Variants in CCDC158 observed in about 807,000 individuals in gnomAD.
The protein encoded by CCDC158 is coiled-coil domain containing 158, also known as coiled-coil domain-containing protein 158.
A neutral mutation model predicts 138.6 loss-of-function variants in CCDC158; 116 were observed. The ratio of observed to expected loss-of-function variants is 0.84; its 90% CI spans 0.72 to 0.98. The LOEUF (loss-of-function observed/expected upper bound fraction) is 0.98. Among genes scored for constraint, CCDC158 ranks in the 50% least tolerant of loss-of-function variants. The pLI is 0.00. For missense variants in CCDC158, 1,265 were observed against 1,306.1 expected (o/e 0.97, Z 0.48); for synonymous variants, 436 against 442.4 (o/e 0.99, Z 0.18).
intron 12 of CCDC158, 52 bp downstream of exon 12, chr4:76,367,242 C>T (rs1364860589): frequency 6.4e-7 from 1 of 1,566,654 alleles, no homozygotes; most frequent in Non-Finnish European, 8.6e-7. Flanking sequence ...ACAGGTCATA[C>T]CTGCTAATAA....
chr4:76,371,939 C>CA (rs539607968), intron 9 of CCDC158, among the ~76,000 whole-genome samples: 1,750 of 65,214 alleles, frequency 0.027, 37 homozygotes, highest in African/African-American at 0.068. Context: ...ACTACATCTC[C>CA]AAAAAAAAAA....
intron 17 of CCDC158, 28 bp downstream of exon 17, chr4:76,351,692 C>T: frequency 7.8e-6 from 11 of 1,417,746 alleles, no homozygotes; most frequent in Non-Finnish European, 1.1e-5. Flanking sequence ...ATTATTTTCG[C>T]TTAAACTAAT....
At chr4:76,385,942 G>C (rs1726744374) in intron 4 of CCDC158, among the ~76,000 whole-genome samples, 1 of 152,208 alleles carries the variant, frequency 6.6e-6, no homozygotes, top group Non-Finnish European at 1.5e-5. Context: ...TAGCGATACT[G>C]AATGCAAAAG....
rs148254018 is a variant in CCDC158, at chr4:76,352,170, C to T, written c.2446-358G>A. On this transcript the variant is annotated intron_variant, in intron 16 of 24. Coordinates refer to ENST00000682701, the MANE Select transcript of CCDC158 (RefSeq NM_001394954.1). ...CTGTAATCCCAGCACTTTGGGAGGC[C>T]GAGGCAGGCAGATCACGAGGTCAAG... 558 of 160,684 alleles carry T rather than the reference C, an allele frequency of 3.5e-3. 4 individuals are homozygous for T. Among genetic ancestry groups the T allele is most frequent in the African/African-American group, 0.013 (535 of 41,634 alleles). 10.0% of individuals were successfully genotyped at this position (160,684 alleles called of 1,614,324 possible).
intron 18 of CCDC158, 23 bp from the exon 19 acceptor site, chr4:76,334,190 G>A (rs1721260722): frequency 6.6e-7 from 1 of 1,507,926 alleles, no homozygotes; most frequent in Non-Finnish European, 8.9e-7. Context: ...AATTTACAAA[G>A]ACACTTATTT....
intron 4 of CCDC158, among the ~76,000 whole-genome samples, chr4:76,389,795 A>G (rs1727147725): frequency 6.6e-6 from 1 of 152,200 alleles, no homozygotes; most frequent in Admixed American, 6.5e-5. Context: ...AGGCCAGGAG[A>G]GAGTGGCATG....
chr4:76,369,620 C>T lies in CCDC158; in HGVS notation c.1153G>A (p.Asp385Asn), dbSNP rs756832298. ...LDDQLQKLLA[D>N]LHKREKELSL... Reference sequence around the variant, plus strand: ...AGCTCCTTCTCCCTTTTGTGTAGATCAGCCTAAAAAAAGAGAGGAATGCTT... The same window carrying T: ...AGCTCCTTCTCCCTTTTGTGTAGATTAGCCTAAAAAAAGAGAGGAATGCTT... Residue 385 changes from aspartate (D) to asparagine (N), a missense_variant, in exon 11 of 25, where the codon GAT becomes AAT. Physicochemically the swap from Asp to Asn is conservative, Grantham distance 23. Transcript: ENST00000682701. The T allele has an allele frequency of 5.0e-6, 8 of 1,612,218 alleles. No individual in the cohort carries two copies. The highest frequency in any genetic ancestry group is 5.9e-6 in the Non-Finnish European group (7 of 1,179,410).
chr4:76,362,897 GC>G (rs1416679613), intron 12 of CCDC158, among the ~76,000 whole-genome samples: 3 of 152,318 alleles, frequency 2.0e-5, no homozygotes, highest in African/African-American at 7.2e-5. Context: ...AATAATAAAA[GC>G]AGGTGAGGGG....
intron 24 of CCDC158, 109 bp from the exon 25 acceptor site, chr4:76,313,355 G>A (rs1719070879): frequency 3.6e-6 from 2 of 555,070 alleles, no homozygotes; most frequent in African/African-American, 3.9e-5. Context: ...CATGTTCTGA[G>A]CTCAAGACAT....
chr4:76,380,935 C>G (rs1325519055), intron 8 of CCDC158, among the ~76,000 whole-genome samples: 1 of 152,232 alleles, frequency 6.6e-6, no homozygotes, highest in African/African-American at 2.4e-5. Flanking sequence ...GCTGTTGCTT[C>G]AAAGGGTGCA....
intron 15 of CCDC158, 22 bp from the exon 16 acceptor site, chr4:76,353,303 ACAT>A: frequency 6.4e-7 from 1 of 1,570,882 alleles, no homozygotes; most frequent in South Asian, 1.2e-5. Flanking sequence ...TGAGAGAAAA[ACAT>A]CAGAAATAAC....
intron 1 of CCDC158, among the ~76,000 whole-genome samples, chr4:76,415,647 T>C (rs1729629291): frequency 6.6e-6 from 1 of 152,204 alleles, no homozygotes; most frequent in Admixed American, 6.5e-5. Flanking sequence ...ATCCTCACTC[T>C]ACAATCATAA....
intron 18 of CCDC158, among the ~76,000 whole-genome samples, chr4:76,349,794 C>T (rs1227893399): frequency 6.6e-6 from 1 of 152,092 alleles, no homozygotes; most frequent in Non-Finnish European, 1.5e-5. Context: ...ATATATTAAG[C>T]TGCTAGGAAA....
At chr4:76,329,500 C>T (rs999332626) in intron 21 of CCDC158, among the ~76,000 whole-genome samples, 3 of 152,220 alleles carry the variant, frequency 2.0e-5, no homozygotes, top group South Asian at 2.1e-4. Context: ...AGGAGAATGG[C>T]GTGAACCTAG....
intron 22 of CCDC158, among the ~76,000 whole-genome samples, chr4:76,327,899 C>T (rs1030811108): frequency 1.3e-5 from 2 of 152,302 alleles, no homozygotes; most frequent in East Asian, 1.9e-4. Flanking sequence ...AGACCAATTA[C>T]GTGTCTGTTG....
chr4:76,328,168 G>T (rs573893468), intron 22 of CCDC158, among the ~76,000 whole-genome samples: 70 of 152,250 alleles, frequency 4.6e-4, no homozygotes, highest in South Asian at 4.1e-3. Context: ...TTTTAATGGA[G>T]ATCATCTTAT....
At chr4:76,347,397 G>T (rs1722663465) in intron 18 of CCDC158, among the ~76,000 whole-genome samples, 2 of 152,104 alleles carry the variant, frequency 1.3e-5, no homozygotes, top group Non-Finnish European at 2.9e-5. Flanking sequence ...ATGAGTTTAT[G>T]TCCTTTGCAG....
chr4:76,359,253 C>T (rs906201510), intron 13 of CCDC158, among the ~76,000 whole-genome samples: 1 of 152,160 alleles, frequency 6.6e-6, no homozygotes, highest in Admixed American at 6.6e-5. Flanking sequence ...TCACAAATTA[C>T]TCATTCTCAG....
At chr4:76,403,720 T>G (rs1215376441) in intron 2 of CCDC158, among the ~76,000 whole-genome samples, 14 of 152,136 alleles carry the variant, frequency 9.2e-5, no homozygotes, top group Non-Finnish European at 2.9e-5. Flanking sequence ...GTGGTCTGAT[T>G]TCAAATCTTC....
Sources: gnomAD v4.1 joint callset for allele counts (sites outside exome capture counted in the v4.1 genomes callset) on GRCh38, gnomAD v4.1.1 for gene constraint, MANE v1.5 for transcripts, NCBI Gene and HGNC (gene_info 2026-07-23, HGNC 2026-07-21) for gene names.